The following SLF2 variants were observed in gnomAD, a reference collection of about 807,000 sequenced individuals.
SLF2 encodes SMC5/6 complex localization factor 2, also known as SMC5-SMC6 complex localization factor protein 2.
SLF2 carries 68 observed loss-of-function variants against 124.3 expected under a neutral mutation model. That is an observed-to-expected ratio of 0.55 (90% CI 0.45 to 0.67). The LOEUF is 0.67. Among genes scored for constraint, SLF2 ranks in the 30% least tolerant of loss-of-function variants. The probability of loss-of-function intolerance (pLI) is 0.00; values close to 1 mark genes in which losing one functional copy is unlikely to be tolerated. For synonymous variants in SLF2, 480 were observed against 478.8 expected (o/e 1.00, Z -0.03); for missense variants, 1,246 against 1,373.7 (o/e 0.91, Z 1.47).
intron 16 of SLF2, 115 bp from the exon 17 acceptor site, chr10:100,950,561 G>A (rs1850191387): frequency 3.6e-6 from 3 of 832,174 alleles, no homozygotes; most frequent in East Asian, 5.3e-5. Context: ...CTGACCAGCT[G>A]GGTTAACTTG....
intron 7 of SLF2, 26 bp from the exon 8 acceptor site, chr10:100,929,804 A>G: frequency 6.5e-7 from 1 of 1,532,724 alleles, no homozygotes; most frequent in East Asian, 2.3e-5. Flanking sequence ...ACAATTTGGT[A>G]TTGATTGACT....
intron 10 of SLF2, 135 bp from the exon 11 acceptor site, chr10:100,938,460 G>A: frequency 1.3e-6 from 1 of 777,686 alleles, no homozygotes; most frequent in Non-Finnish European, 2.0e-6. Flanking sequence ...TAACTGTATT[G>A]TTAGCATAAA....
rs939118535 is a variant in SLF2 at position 100,944,265 on chromosome 10, G to A, written c.2757+137G>A. 54 of 506,774 alleles carry A rather than the reference G, an allele frequency of 1.1e-4. 1 individual carries two copies. In the Middle Eastern group the frequency reaches 1.6e-3, roughly 15 times the overall value. The allele number at this position is 506,774 out of a possible 1,614,324, so 31.4% of individuals were successfully genotyped here. A position where few individuals can be genotyped will look rare whatever the true frequency, so the allele number is the denominator to read the frequency against. On this transcript the variant is annotated intron_variant, in intron 12 of 19. Transcript: ENST00000238961. ...AATCCCAGCACTTTGGGAGGCCAGG[G>A]CGGGCAGATCACAAGGTCAGGAGAT... is the stretch of plus-strand genomic sequence containing the variant.
At position 100,913,152 on chromosome 10, in the gene SLF2, A is replaced by G. The variant is rs755857642; in HGVS notation, c.42A>G (p.Ser14=). The change falls in exon 1 of 20, where the codon TCA becomes TCG. Residue 14 remains serine, a synonymous_variant. Coordinates refer to ENST00000238961, the MANE Select transcript of SLF2 (RefSeq NM_018121.4). ...TGCCCGCTAGGCCAGGTTTCCCCTC[A>G]TCCCCAGCCCCGGGGTCGTCGCCCC... ...RCMPARPGFP[S]SPAPGSSPPR... The G allele has an allele frequency of 1.1e-5, 17 of 1,613,342 alleles. No homozygotes were observed. The highest frequency in any genetic ancestry group is 1.4e-5 in the Non-Finnish European group (17 of 1,179,772).
chr10:100,949,562 C>T (rs1441023038), intron 15 of SLF2, among the ~76,000 whole-genome samples: 1 of 151,654 alleles, frequency 6.6e-6, no homozygotes, highest in African/African-American at 2.4e-5. Context: ...AGCATTTATC[C>T]TAAGTTACAA....
intron 1 of SLF2, among the ~76,000 whole-genome samples, chr10:100,915,742 A>C (rs958887423): frequency 5.9e-5 from 9 of 152,224 alleles, no homozygotes; most frequent in Admixed American, 6.5e-5. Context: ...TCTACACACC[A>C]GTCTGACCTA....
At position 100,961,904 on chromosome 10, in the gene SLF2, G is replaced by T; in HGVS notation, c.3514G>T (p.Asp1172Tyr). ...GCAGCTTCATGACTTCTGGGTACCA[G>T]ATTCTTAATAGGAGTTGCAGCAGCA... The part of the protein sequence containing the change: ...QGQLHDFWVP[D>Y]S The change falls in exon 20 of 20, where the codon GAT becomes TAT. Residue 1172 changes from aspartate (D) to tyrosine (Y), a missense_variant. Asp to Tyr is a radical substitution (Grantham distance 160). Coordinates refer to ENST00000238961, the MANE Select transcript of SLF2 (RefSeq NM_018121.4). 1 of 1,608,404 alleles carries T rather than the reference G, an allele frequency of 6.2e-7. No homozygotes were observed. The highest frequency in any genetic ancestry group is 1.1e-5 in the South Asian group (1 of 90,376).
intron 4 of SLF2, among the ~76,000 whole-genome samples, chr10:100,920,680 T>C (rs1485948806): frequency 6.6e-6 from 1 of 152,240 alleles, no homozygotes; most frequent in Non-Finnish European, 1.5e-5. Flanking sequence ...CCAGGCGCAG[T>C]GGTTCATGCC....
chr10:100,938,564 T>G, intron 10 of SLF2, 31 bp from the exon 11 acceptor site: 1 of 1,591,820 alleles, frequency 6.3e-7, no homozygotes, highest in Non-Finnish European at 8.5e-7. Flanking sequence ...GACCACAGAT[T>G]TAGAATGAAA....
At chr10:100,956,620 A>T in intron 18 of SLF2, 83 bp downstream of exon 18, 1 of 1,017,160 alleles carries the variant, frequency 9.8e-7, no homozygotes, top group Non-Finnish European at 1.5e-6. Context: ...ATACAGGCCT[A>T]TATTCAGAAA....
At position 100,956,489 on chromosome 10, in the gene SLF2, T is replaced by C; in HGVS notation, c.3369T>C (p.His1123=). Residue 1123 remains histidine, a synonymous_variant, in exon 18 of 20, where the codon CAT becomes CAC. Transcript: ENST00000238961. ...TACTCTGTGGGGCTTTGGAAAAGCA[T>C]GTTAAATGTGATATTAGGGAAGATG... ...FVLLCGALEK[H]VKCDIREDAR... 1 of 1,613,624 alleles carries C rather than the reference T, an allele frequency of 6.2e-7. No individual in the cohort carries two copies. Among genetic ancestry groups the C allele is most frequent in the Non-Finnish European group, 8.5e-7 (1 of 1,179,850 alleles).
At position 100,945,379 on chromosome 10, in the gene SLF2, A is replaced by G; in HGVS notation, c.2807A>G (p.Glu936Gly). ...SIHPEGYQDREIMLLILMLFK... is the reference protein window; with the variant it reads ...SIHPEGYQDRGIMLLILMLFK... Reference sequence around the variant, plus strand: ...CATCCAGAAGGTTACCAGGATCGTGAAATAATGTTGCTGATTTTAATGTTA... The same window carrying G: ...CATCCAGAAGGTTACCAGGATCGTGGAATAATGTTGCTGATTTTAATGTTA... The change falls in exon 13 of 20, where the codon GAA becomes GGA. Residue 936 changes from glutamate (E) to glycine (G), a missense_variant. Transcript: ENST00000238961. 6.2e-7 allele frequency: 1 copy of G among 1,603,230 alleles called. No individual in the cohort carries two copies. Among genetic ancestry groups the G allele is most frequent in the Non-Finnish European group, 8.5e-7 (1 of 1,177,592 alleles).
In SLF2 at chr10:100,938,748, C is replaced by A. The variant is rs767681275; in HGVS notation, c.2654+12C>A. 1.9e-6 allele frequency: 3 copies of A among 1,584,032 alleles called. No individual in the cohort carries two copies. The Admixed American group carries it at 5.7e-5, about 30-fold the overall frequency. Reference sequence around the variant, plus strand: ...GAAGACTATCTAGTGTAAGTTTTCTCATCATAATTAACGCCAAAAATATCA... The same window carrying A: ...GAAGACTATCTAGTGTAAGTTTTCTAATCATAATTAACGCCAAAAATATCA... On this transcript the variant is annotated intron_variant, in intron 11 of 19. Coordinates refer to ENST00000238961, the MANE Select transcript of SLF2 (RefSeq NM_018121.4).
chr10:100,929,347 A>G lies in SLF2; in HGVS notation c.2073A>G (p.Glu691=), dbSNP rs1462410837. 1.9e-6 allele frequency: 3 copies of G among 1,612,982 alleles called. No individual in the cohort carries two copies. The highest frequency in any genetic ancestry group is 1.7e-5 in the Admixed American group (1 of 59,922). ...ATGAACTGCAGAAGCAACTACAAGAAGACATAAGGCAAGGCCGAGGCATTA... is the reference window on the plus strand; with the variant it reads ...ATGAACTGCAGAAGCAACTACAAGAGGACATAAGGCAAGGCCGAGGCATTA... ...RLDELQKQLQ[E]DIRQGRGIKS... Residue 691 remains glutamate, a synonymous_variant, in exon 7 of 20, where the codon GAA becomes GAG. Transcript: ENST00000238961.
rs1411407192 is a variant in SLF2 at position 100,960,995 on chromosome 10, C to CTACTTTTTTTTTTT, written c.3487-881_3487-880insACTTTTTTTTTTTT. ...GGAGTGAGAACTGAGATATTCTGTA[C>CTACTTTTTTTTTTT]TTCTTTTTTTTTTTTTTTTTTTTTT... On this transcript the variant is annotated intron_variant, in intron 19 of 19. Coordinates refer to ENST00000238961, the MANE Select transcript of SLF2 (RefSeq NM_018121.4). Among the ~76,000 whole-genome samples the CTACTTTTTTTTTTT allele has an allele frequency of 5.5e-5, 3 of 54,450 alleles. 1 individual carries two copies. Among genetic ancestry groups the CTACTTTTTTTTTTT allele is most frequent in the African/African-American group, 1.3e-4 (2 of 15,412 alleles). The allele number at this position is 54,450 out of a possible 152,430, so 35.7% of individuals were successfully genotyped here. A position where few individuals can be genotyped will look rare whatever the true frequency, so the allele number is the denominator to read the frequency against.
At chr10:100,957,390 G>T (rs1477192959) in intron 18 of SLF2, among the ~76,000 whole-genome samples, 2 of 115,258 alleles carry the variant, frequency 1.7e-5, no homozygotes, top group Admixed American at 1.0e-4. Context: ...CACTCTTGTT[G>T]CCTAGGCTGG....
chr10:100,938,491 T>G, intron 10 of SLF2, 104 bp from the exon 11 acceptor site: 1 of 1,161,732 alleles, frequency 8.6e-7, no homozygotes, highest in Non-Finnish European at 1.2e-6. Flanking sequence ...GTCATTTCTA[T>G]AAAACCATTG....
In SLF2 at chr10:100,913,373, G is replaced by T. The variant is rs939695620; in HGVS notation, c.140+123G>T. 30 of 1,367,122 alleles carry T rather than the reference G, an allele frequency of 2.2e-5. No individual in the cohort carries two copies. The Admixed American group carries it at 1.1e-3, about 49-fold the overall frequency. The allele number at this position is 1,367,122 out of a possible 1,614,324, so 84.7% of individuals were successfully genotyped here. On this transcript the variant is annotated intron_variant, in intron 1 of 19. Coordinates refer to ENST00000238961, the MANE Select transcript of SLF2 (RefSeq NM_018121.4). ...GCGAGCTCAGGCGTTGGCATTTCGG[G>T]GCCTGGCAAATCCCCGCCCCGCCTC...
At chr10:100,929,234 T>G (rs1260041085) in intron 6 of SLF2, 83 bp from the exon 7 acceptor site, 8 of 1,342,508 alleles carry the variant, frequency 6.0e-6, no homozygotes, top group Non-Finnish European at 7.9e-6. Context: ...AGGGTTTTCT[T>G]TGTGCTGCTT....
Sources: gnomAD v4.1 joint callset for allele counts (sites outside exome capture counted in the v4.1 genomes callset) on GRCh38, gnomAD v4.1.1 for gene constraint, MANE v1.5 for transcripts, NCBI Gene and HGNC (gene_info 2026-07-23, HGNC 2026-07-21) for gene names.